The following MAP1LC3B variants were observed in gnomAD, a reference collection of about 807,000 sequenced individuals.
MAP1LC3B encodes microtubule-associated protein 1 light chain 3 beta.
MAP1LC3B carries 12 observed loss-of-function variants against 16.7 expected under a neutral mutation model. That is an observed-to-expected ratio of 0.72 (90% CI 0.46 to 1.16). MAP1LC3B has a LOEUF of 1.16. Among genes scored for constraint, MAP1LC3B ranks in the 50% most tolerant of loss-of-function variants. The pLI, the probability that MAP1LC3B is intolerant of heterozygous loss-of-function variation, is 0.00. For missense variants in MAP1LC3B, 155 were observed against 159.5 expected, an observed-to-expected ratio of 0.97 and a Z score of 0.15; for synonymous variants, 63 against 56.5, an observed-to-expected ratio of 1.11 and a Z score of -0.51.
intron 1 of MAP1LC3B, chr16:87,392,756 C>G (rs1907637251): frequency 6.3e-6 from 1 of 159,876 alleles, no homozygotes; most frequent in African/African-American, 2.4e-5. Context: ...CCGGTGCGCT[C>G]GGGGCCCCGG....
chr16:87,398,601 A>G (rs1287255797), intron 1 of MAP1LC3B, among the ~76,000 whole-genome samples: 3 of 152,188 alleles, frequency 2.0e-5, no homozygotes, highest in African/African-American at 7.2e-5. Flanking sequence ...ATCACCTGAT[A>G]GAGCCATGTA....
chr16:87,402,104 G>C (rs952225567), intron 2 of MAP1LC3B, 71 bp from the exon 3 acceptor site: 2 of 1,496,372 alleles, frequency 1.3e-6, no homozygotes, highest in Non-Finnish European at 1.8e-6. Flanking sequence ...CAAAATGCTG[G>C]GGTTACAGGT....
Position 87,392,345 on chromosome 16 carries a change from T to C in MAP1LC3B, c.-83T>C. 1 of 1,316,346 alleles carries C rather than the reference T, an allele frequency of 7.6e-7. No homozygotes were observed. The highest frequency in any genetic ancestry group is 9.8e-7 in the Non-Finnish European group (1 of 1,024,856). The allele number at this position is 1,316,346 out of a possible 1,614,324, so 81.5% of individuals were successfully genotyped here. On this transcript the variant is annotated 5_prime_UTR_variant, in exon 1 of 4. Transcript: ENST00000268607. ...GGAAGTGGCTATCGCCAGAGTCGGA[T>C]TCGCCGCCGCAGCAGCCGCCGCCCC...
At chr16:87,402,351 T>A (rs1045306845) in intron 3 of MAP1LC3B, 70 bp downstream of exon 3, 1 of 1,405,294 alleles carries the variant, frequency 7.1e-7, no homozygotes, top group African/African-American at 1.4e-5. Flanking sequence ...AAACTTACAG[T>A]TAAATCTTTA....
intron 2 of MAP1LC3B, among the ~76,000 whole-genome samples, 198 bp from the exon 3 acceptor site, chr16:87,401,977 C>T (rs1012443806): frequency 2.0e-5 from 3 of 152,068 alleles, no homozygotes; most frequent in Non-Finnish European, 4.4e-5. Flanking sequence ...GGACTACAGG[C>T]GCCCGCCACC....
At chr16:87,393,963 TG>T (rs1907707429) in intron 1 of MAP1LC3B, among the ~76,000 whole-genome samples, 1 of 152,240 alleles carries the variant, frequency 6.6e-6, no homozygotes, top group African/African-American at 2.4e-5. Context: ...TTTTCTTTTT[TG>T]CTTAGTACTT....
At chr16:87,396,408 T>C (rs919867425) in intron 1 of MAP1LC3B, among the ~76,000 whole-genome samples, 2 of 150,504 alleles carry the variant, frequency 1.3e-5, no homozygotes, top group African/African-American at 4.9e-5. Flanking sequence ...CTGGGAGGCG[T>C]AGCTTGCAGT....
At chr16:87,402,369 T>C in intron 3 of MAP1LC3B, 88 bp downstream of exon 3, 1 of 1,202,016 alleles carries the variant, frequency 8.3e-7, no homozygotes, top group South Asian at 1.6e-5. Flanking sequence ...TTAGTTCTGG[T>C]TAAAATCTTT....
rs190969692 is a variant in MAP1LC3B, at chr16:87,402,118, A to C, written c.97-57A>C. The C allele has an allele frequency of 2.3e-3, 3,638 of 1,585,330 alleles. 7 individuals are homozygous for C. Among genetic ancestry groups the C allele is most frequent in the Admixed American group, 3.3e-3 (194 of 59,570 alleles). The stretch of plus-strand genomic sequence containing the variant: ...CCAAAATGCTGGGGTTACAGGTGTG[A>C]GCCACCGCGCCTGGCCCTGATGACT... On this transcript the variant is annotated intron_variant, in intron 2 of 3. Coordinates refer to ENST00000268607, the MANE Select transcript of MAP1LC3B (RefSeq NM_022818.5).
intron 2 of MAP1LC3B, 63 bp downstream of exon 2, chr16:87,398,933 G>GCATC: frequency 7.1e-7 from 1 of 1,416,732 alleles, no homozygotes; most frequent in South Asian, 1.2e-5. Flanking sequence ...CCGCATAAGT[G>GCATC]CATCCACTTG....
chr16:87,398,109 G>A (rs1220939085), intron 1 of MAP1LC3B, among the ~76,000 whole-genome samples: 3 of 151,568 alleles, frequency 2.0e-5, no homozygotes, highest in Non-Finnish European at 4.4e-5. Flanking sequence ...TGCAACCTCC[G>A]TGTCCCAGGT....
Position 87,403,196 on chromosome 16 carries a change from G to C in MAP1LC3B, c.*99G>C. 2 of 1,463,740 alleles carry C rather than the reference G, an allele frequency of 1.4e-6. No homozygotes were observed. The highest frequency in any genetic ancestry group is 1.4e-5 in the South Asian group (1 of 73,098). The allele number at this position is 1,463,740 out of a possible 1,614,324, so 90.7% of individuals were successfully genotyped here. A position where few individuals can be genotyped will look rare whatever the true frequency, so the allele number is the denominator to read the frequency against. On this transcript the variant is annotated 3_prime_UTR_variant, in exon 4 of 4. Transcript: ENST00000268607. The stretch of plus-strand genomic sequence containing the variant: ...AGATCGATCAGTTCATCCAATCACA[G>C]ATCATGAAACAGTAGTGTTCCCACC...
chr16:87,398,004 T>G (rs770585281), intron 1 of MAP1LC3B, among the ~76,000 whole-genome samples: 6 of 152,092 alleles, frequency 3.9e-5, no homozygotes, highest in Admixed American at 1.3e-4. Context: ...AATAAGTGAT[T>G]CTATTAAAAG....
intron 2 of MAP1LC3B, among the ~76,000 whole-genome samples, chr16:87,400,871 C>T (rs546975775): frequency 1.3e-5 from 2 of 151,982 alleles, no homozygotes; most frequent in Non-Finnish European, 1.5e-5. Context: ...CGCGGTGGCT[C>T]ACGCCTGTAT....
chr16:87,396,796 G>A (rs1157088699), intron 1 of MAP1LC3B: 3 of 152,164 alleles, frequency 2.0e-5, no homozygotes, highest in Admixed American at 6.5e-5. Flanking sequence ...TAATTTTACT[G>A]TTAACAATAG....
chr16:87,402,109 A>T (rs1313548503), intron 2 of MAP1LC3B, 66 bp from the exon 3 acceptor site: 2 of 1,536,396 alleles, frequency 1.3e-6, no homozygotes, highest in East Asian at 4.5e-5. Context: ...TGCTGGGGTT[A>T]CAGGTGTGAG....
At chr16:87,402,464 TGA>T in intron 3 of MAP1LC3B, 183 bp downstream of exon 3, 5 of 645,854 alleles carry the variant, frequency 7.7e-6, no homozygotes, top group Non-Finnish European at 1.3e-5. Flanking sequence ...TTTCTTTTTT[TGA>T]GGTTTTATAT....
At chr16:87,401,195 A>G (rs1055133753) in intron 2 of MAP1LC3B, among the ~76,000 whole-genome samples, 5 of 150,488 alleles carry the variant, frequency 3.3e-5, no homozygotes, top group African/African-American at 1.2e-4. Flanking sequence ...TTTGGAATTG[A>G]GAGTTTCAGA....
At position 87,403,979 on chromosome 16, in the gene MAP1LC3B, AC is replaced by A. The variant is rs1908085969; in HGVS notation, c.*883del. 1 of 152,164 alleles carries A rather than the reference AC, an allele frequency of 6.6e-6. No individual in the cohort carries two copies. Among genetic ancestry groups the A allele is most frequent in the African/African-American group, 2.4e-5 (1 of 41,428 alleles). 9.4% of individuals were successfully genotyped at this position (152,164 alleles called of 1,614,324 possible). Reference sequence around the variant, plus strand: ...TATAACTGAAAACATTAACATTCAGACACACTCCCTTCTGCCTTCCGGCTTA... The same window carrying A: ...TATAACTGAAAACATTAACATTCAGAACACTCCCTTCTGCCTTCCGGCTTA... On this transcript the variant is annotated 3_prime_UTR_variant, in exon 4 of 4. Coordinates refer to ENST00000268607, the MANE Select transcript of MAP1LC3B (RefSeq NM_022818.5).
Sources: allele counts gnomAD v4.1 joint callset (sites outside exome capture counted in the v4.1 genomes callset), GRCh38; gene constraint gnomAD v4.1.1; transcripts MANE v1.5; gene names NCBI Gene and HGNC (gene_info 2026-07-23, HGNC 2026-07-21).